Variants in TOX observed in about 807,000 individuals in gnomAD.
TOX encodes thymocyte selection-associated high mobility group box protein TOX.
TOX carries 11 observed loss-of-function variants against 53.7 expected under a neutral mutation model. The observed-to-expected ratio is 0.20, with a 90% CI of 0.13 to 0.34. TOX has a LOEUF of 0.34. Ranked by LOEUF, TOX falls within the 10% of genes least tolerant of loss-of-function variation. TOX has a pLI of 1.00. For synonymous variants in TOX, 225 were observed against 245.3 expected (o/e 0.92, Z 0.77); for missense variants, 570 against 664.6 (o/e 0.86, Z 1.56).
At position 59,088,995 on chromosome 8, in the gene TOX, C is replaced by T. The variant is rs530874124; in HGVS notation, c.102+29891G>A. Among the ~76,000 whole-genome samples, 24 of 152,194 alleles carry T rather than the reference C, an allele frequency of 1.6e-4. 1 individual carries two copies. The highest frequency in any genetic ancestry group is 5.8e-4 in the African/African-American group (24 of 41,532). ...AACCTAAATAGGCTGTAAACTATGT[C>T]AGCATCCAAGTTTAAGATAAAATAA... On this transcript the variant is annotated intron_variant, in intron 1 of 8. Transcript: ENST00000361421.
At chr8:58,857,559 C>G (rs117511870) in intron 3 of TOX, among the ~76,000 whole-genome samples, 3,416 of 152,124 alleles carry the variant, frequency 0.022, 53 homozygotes, top group Non-Finnish European at 0.035. Flanking sequence ...AAACAAAAGT[C>G]CCATTAAAAT....
chr8:58,913,108 C>A (rs964905379), intron 3 of TOX, among the ~76,000 whole-genome samples: 2 of 152,190 alleles, frequency 1.3e-5, no homozygotes, highest in Non-Finnish European at 2.9e-5. Context: ...TGAGATTTGG[C>A]TCTCTACTCC....
At chr8:59,017,719 AATATT>A (rs1252233574) in intron 1 of TOX, among the ~76,000 whole-genome samples, 1 of 152,216 alleles carries the variant, frequency 6.6e-6, no homozygotes, top group East Asian at 1.9e-4. Flanking sequence ...TTCACCAGGT[AATATT>A]ATTCTGAGTA....
intron 1 of TOX, among the ~76,000 whole-genome samples, chr8:59,084,725 A>T (rs1169539316): frequency 2.0e-5 from 3 of 152,202 alleles, no homozygotes; most frequent in Non-Finnish European, 2.9e-5. Context: ...TTTTACTGAC[A>T]TGTGAAATTC....
At chr8:58,813,847 C>T (rs949418290) in intron 7 of TOX, among the ~76,000 whole-genome samples, 2 of 152,144 alleles carry the variant, frequency 1.3e-5, no homozygotes, top group African/African-American at 4.8e-5. Flanking sequence ...CCTTTGAATT[C>T]TTAGGAGATA....
chr8:58,970,235 A>G (rs749418919), intron 1 of TOX, among the ~76,000 whole-genome samples: 9 of 152,104 alleles, frequency 5.9e-5, no homozygotes, highest in Non-Finnish European at 1.0e-4. Flanking sequence ...TATTTCCGAC[A>G]TCACTCCTGT....
chr8:59,041,053 G>C (rs1803579355), intron 1 of TOX, among the ~76,000 whole-genome samples: 2 of 148,062 alleles, frequency 1.4e-5, no homozygotes, highest in Non-Finnish European at 3.0e-5. Flanking sequence ...TCAGCAGGAG[G>C]CACTTCATAA....
At chr8:59,005,333 C>T (rs1212563670) in intron 1 of TOX, among the ~76,000 whole-genome samples, 1 of 152,092 alleles carries the variant, frequency 6.6e-6, no homozygotes, top group East Asian at 1.9e-4. Flanking sequence ...CCACTGCGCC[C>T]GGCCCTGAAA....
rs1812002506 is a variant in TOX at position 58,915,549 on chromosome 8, T to C, written c.411+23753A>G. 2.3e-5 allele frequency among the ~76,000 whole-genome samples: 3 copies of C among 131,330 alleles called. No individual in the cohort carries two copies. The South Asian group carries it at 8.7e-4, about 38-fold the overall frequency. 86.2% of individuals were successfully genotyped at this position (131,330 alleles called of 152,430 possible). ...AGGACATCTACACCGAAAACCTATC[T>C]GTACATCACCATCATCAAAGACCAA... is the stretch of plus-strand genomic sequence containing the variant. On this transcript the variant is annotated intron_variant, in intron 3 of 8. Transcript: ENST00000361421.
intron 3 of TOX, among the ~76,000 whole-genome samples, chr8:58,916,003 A>G (rs1780341959): frequency 2.2e-5 from 1 of 45,354 alleles, no homozygotes; most frequent in Admixed American, 2.5e-4. Context: ...GTTTAGAGAA[A>G]AAAGAATAAA....
intron 3 of TOX, among the ~76,000 whole-genome samples, chr8:58,874,568 T>G (rs1163235901): frequency 6.6e-6 from 1 of 152,150 alleles, no homozygotes; most frequent in Non-Finnish European, 1.5e-5. Flanking sequence ...TGGAGTCAAT[T>G]CCAAAAAATC....
intron 3 of TOX, among the ~76,000 whole-genome samples, chr8:58,938,529 G>T (rs77245577): frequency 4.6e-4 from 70 of 152,144 alleles, no homozygotes; most frequent in African/African-American, 1.7e-3. Flanking sequence ...CACTATTGGG[G>T]TATAGACAGA....
In TOX at chr8:59,065,077, C is replaced by T. The variant is rs143778966; in HGVS notation, c.102+53809G>A. Among the ~76,000 whole-genome samples the T allele has an allele frequency of 8.5e-3, 1,293 of 152,234 alleles. 25 individuals are homozygous for T. The highest frequency in any genetic ancestry group is 0.029 in the African/African-American group (1,213 of 41,536). On this transcript the variant is annotated intron_variant, in intron 1 of 8. Transcript: ENST00000361421. ...CACAAGCTCAGGTTCAAGCTAAACA[C>T]GCCAGCATATTAGTGAGGAAATGAG...
intron 1 of TOX, among the ~76,000 whole-genome samples, chr8:59,041,406 T>C (rs923913042): frequency 6.6e-6 from 1 of 152,120 alleles, no homozygotes; most frequent in Admixed American, 6.5e-5. Flanking sequence ...TTACCATTTT[T>C]CCCCTTCAAA....
intron 6 of TOX, among the ~76,000 whole-genome samples, chr8:58,825,796 G>T (rs1810355738): frequency 6.6e-6 from 1 of 152,106 alleles, no homozygotes; most frequent in South Asian, 2.1e-4. Context: ...AATACATGCA[G>T]AAATGTGAGT....
At chr8:58,898,819 G>A (rs1486668142) in intron 3 of TOX, among the ~76,000 whole-genome samples, 1 of 152,182 alleles carries the variant, frequency 6.6e-6, no homozygotes, top group Non-Finnish European at 1.5e-5. Flanking sequence ...TGGGAAATCA[G>A]TTGTATCTCC....
At chr8:58,896,680 AAAATAAAAT>A in intron 3 of TOX, among the ~76,000 whole-genome samples, 1 of 19,934 alleles carries the variant, frequency 5.0e-5, no homozygotes, top group East Asian at 1.1e-3. Context: ...TCTCAAAAAT[AAAATAAAAT>A]AAAATAAAAT....
rs573076611 is a variant in TOX at position 58,963,095 on chromosome 8, A to G, written c.103-3087T>C. On this transcript the variant is annotated intron_variant, in intron 1 of 8. Transcript: ENST00000361421. ...TCCTGACTCACTGTTGAGGTGAGAC[A>G]TCAGTCTTTCACTGTTTTGGGGCAT... Among the ~76,000 whole-genome samples, 5 of 152,326 alleles carry G rather than the reference A, an allele frequency of 3.3e-5. No individual in the cohort carries two copies. In the South Asian group the frequency reaches 1.0e-3, roughly 32 times the overall value.
At chr8:59,047,599 G>T (rs954761636) in intron 1 of TOX, among the ~76,000 whole-genome samples, 4 of 151,098 alleles carry the variant, frequency 2.6e-5, no homozygotes, top group Non-Finnish European at 5.9e-5. Context: ...GTTCCACTAT[G>T]TTGTCCCGGC....
Sources: allele counts gnomAD v4.1 joint callset (sites outside exome capture counted in the v4.1 genomes callset), GRCh38; gene constraint gnomAD v4.1.1; transcripts MANE v1.5; gene names NCBI Gene and HGNC (gene_info 2026-07-23, HGNC 2026-07-21).